The following IL4I1 variants were observed in gnomAD, a reference collection of about 807,000 sequenced individuals.
IL4I1 encodes the protein interleukin 4 induced 1.
In IL4I1, 24 loss-of-function variants were observed where a neutral mutation model predicts 29.7. That is an observed-to-expected ratio of 0.81 (90% CI 0.59 to 1.14). The LOEUF is 1.14. IL4I1 is among the 50% of genes most tolerant of loss of function. The pLI is 0.00. For synonymous variants in IL4I1, 371 were observed against 352.5 expected (o/e 1.05, Z -0.59); for missense variants, 686 against 785.6 (o/e 0.87, Z 1.52).
chr19:49,920,851 G>A (rs924649045), intron 2 of IL4I1, among the ~76,000 whole-genome samples: 3 of 152,166 alleles, frequency 2.0e-5, no homozygotes, highest in African/African-American at 7.2e-5. Context: ...GAGGAACGGC[G>A]CACACCTGTG....
upstream of IL4I1, among the ~76,000 whole-genome samples, chr19:49,897,788 G>A (rs892948643): frequency 1.4e-4 from 21 of 152,022 alleles, no homozygotes; most frequent in African/African-American, 4.8e-4. Flanking sequence ...GCTCCGTGAG[G>A]AGGAAAACCA....
At chr19:49,924,770 T>A (rs1442836373) in intron 2 of IL4I1, among the ~76,000 whole-genome samples, 1 of 151,992 alleles carries the variant, frequency 6.6e-6, no homozygotes, top group Non-Finnish European at 1.5e-5. Context: ...GAGCTAAGGG[T>A]GCCAACTGGC....
chr19:49,892,575 G>A (rs990541092), intron 5 of IL4I1, among the ~76,000 whole-genome samples: 1 of 152,198 alleles, frequency 6.6e-6, no homozygotes, highest in African/African-American at 2.4e-5. Flanking sequence ...TTGTTTCCCT[G>A]CCTGTCTTTG....
chr19:49,910,032 G>C (rs2075423629), intron 2 of IL4I1: 4 of 624,162 alleles, frequency 6.4e-6, no homozygotes, highest in Non-Finnish European at 1.2e-5. Flanking sequence ...CATCGAGAAG[G>C]ATCCAGAAGC....
At chr19:49,900,037 A>G (rs2075258071), upstream of IL4I1, among the ~76,000 whole-genome samples, 1 of 151,784 alleles carries the variant, frequency 6.6e-6, no homozygotes, top group Admixed American at 6.6e-5. Context: ...GGGCCTTGCT[A>G]TGTTGCCCAG....
In IL4I1 at chr19:49,890,570, C is replaced by T; in HGVS notation, c.804G>A (p.Leu268=). 6.3e-7 allele frequency: 1 copy of T among 1,585,456 alleles called. No individual in the cohort carries two copies. ...QYSRIVGGWD[L]LPRALLSSLS... ...GCGAGCTCAGCAGCGCGCGCGGCAG[C>T]AGGTCCCAGCCACCCACGATGCGGC... is the stretch of plus-strand genomic sequence containing the variant. Residue 268 remains leucine (L), a synonymous_variant, in exon 8 of 8, where the codon CTG becomes CTA. Coordinates refer to ENST00000391826, the MANE Select transcript of IL4I1 (RefSeq NM_152899.2).
At chr19:49,892,692 T>C (rs1158282633) in intron 5 of IL4I1, among the ~76,000 whole-genome samples, 1 of 152,202 alleles carries the variant, frequency 6.6e-6, no homozygotes, top group Non-Finnish European at 1.5e-5. Context: ...TCCACCTGGC[T>C]TCCCCCTTCT....
At chr19:49,913,644 T>C (rs373842717) in intron 2 of IL4I1, among the ~76,000 whole-genome samples, 8 of 152,228 alleles carry the variant, frequency 5.3e-5, no homozygotes, top group African/African-American at 1.9e-4. Context: ...CTGGTCTCCC[T>C]TGGGGCTTTT....
At chr19:49,908,886 C>T (rs1006231218) in intron 2 of IL4I1, 1 of 1,610,024 alleles carries the variant, frequency 6.2e-7, no homozygotes, top group Non-Finnish European at 8.5e-7. Context: ...GTCACGGCAG[C>T]TGCTGTATTG....
intron 2 of IL4I1, among the ~76,000 whole-genome samples, chr19:49,923,856 C>T (rs535898450): frequency 7.2e-5 from 11 of 152,224 alleles, no homozygotes; most frequent in East Asian, 1.9e-4. Flanking sequence ...CTCTGACCCA[C>T]GCTGCGGAAG....
At chr19:49,914,492 T>TCCTG in intron 2 of IL4I1, among the ~76,000 whole-genome samples, 1 of 152,242 alleles carries the variant, frequency 6.6e-6, no homozygotes, top group Admixed American at 6.5e-5. Context: ...TCCCTTCCCT[T>TCCTG]CCTGCCTGCC....
intron 6 of IL4I1, 66 bp from the exon 7 acceptor site, chr19:49,891,173 C>T: frequency 6.3e-7 from 1 of 1,576,046 alleles, no homozygotes; most frequent in Non-Finnish European, 8.6e-7. Flanking sequence ...AGCCCCTCCG[C>T]AGCTGGGCCT....
rs201855302 is a variant in IL4I1 at position 49,909,301 on chromosome 19, G to A, written c.-227-4980C>T. On this transcript the variant is annotated intron_variant, in intron 2 of 9. Transcript: ENST00000341114. ...TCCCTGCTGAGCCAATGTTGAAACC[G>A]GAGGGTTGGGCCGTGCTTCCACCAG... 388 of 1,614,080 alleles carry A rather than the reference G, an allele frequency of 2.4e-4. 5 individuals carry two copies. Among genetic ancestry groups the A allele is most frequent in the Non-Finnish European group, 8.5e-5 (100 of 1,180,014 alleles).
chr19:49,919,675 C>A (rs1464567619), intron 2 of IL4I1, among the ~76,000 whole-genome samples: 1 of 152,188 alleles, frequency 6.6e-6, no homozygotes, highest in Middle Eastern at 3.2e-3. Flanking sequence ...ACCAAAGGAG[C>A]TCTGGTCGCA....
intron 2 of IL4I1, among the ~76,000 whole-genome samples, chr19:49,910,619 G>A (rs74689664): frequency 0.013 from 1,925 of 151,924 alleles, 48 homozygotes; most frequent in African/African-American, 0.045. Context: ...TGTAGGTGTG[G>A]TGTGGAGGAT....
At chr19:49,900,222 G>A (rs1339153182), upstream of IL4I1, among the ~76,000 whole-genome samples, 1 of 152,148 alleles carries the variant, frequency 6.6e-6, no homozygotes, top group Admixed American at 6.5e-5. Context: ...CCCAATTAAT[G>A]TTAGTTTGAA....
At chr19:49,919,422 G>A (rs1167677443) in intron 2 of IL4I1, among the ~76,000 whole-genome samples, 21 of 152,302 alleles carry the variant, frequency 1.4e-4, no homozygotes, top group East Asian at 5.8e-4. Flanking sequence ...CTTAGAAATC[G>A]TTTTAAGCAG....
intron 3 of IL4I1, among the ~76,000 whole-genome samples, chr19:49,903,681 A>C (rs988908061): frequency 6.6e-6 from 1 of 152,102 alleles, no homozygotes; most frequent in African/African-American, 2.4e-5. Flanking sequence ...AGGTCATAAG[A>C]GCTGATTTAC....
At chr19:49,904,014 T>C (rs1453016492) in intron 3 of IL4I1, among the ~76,000 whole-genome samples, 2 of 116,906 alleles carry the variant, frequency 1.7e-5, no homozygotes, top group Non-Finnish European at 3.8e-5. Flanking sequence ...AATTTTTGTA[T>C]TTTTGTAGAG....
Sources: allele counts gnomAD v4.1 joint callset (sites outside exome capture counted in the v4.1 genomes callset), GRCh38; gene constraint gnomAD v4.1.1; transcripts MANE v1.5; gene names NCBI Gene and HGNC (gene_info 2026-07-23, HGNC 2026-07-21).